HS6ST3: variants seen among roughly 807,000 people sequenced by gnomAD.
The protein encoded by HS6ST3 is heparan-sulfate 6-O-sulfotransferase 3.
HS6ST3 carries 12 observed loss-of-function variants against 36.7 expected under a neutral mutation model. The observed-to-expected ratio is 0.33, with a 90% CI of 0.21 to 0.53. The LOEUF is 0.53. Ranked by LOEUF, HS6ST3 falls within the 20% of genes least tolerant of loss-of-function variation. The pLI, the probability that HS6ST3 is intolerant of heterozygous loss-of-function variation, is 0.95. For missense variants in HS6ST3, 584 were observed against 640.9 expected, an observed-to-expected ratio of 0.91 and a Z score of 0.96; for synonymous variants, 240 against 257.5, an observed-to-expected ratio of 0.93 and a Z score of 0.65.
intron 1 of HS6ST3, among the ~76,000 whole-genome samples, chr13:96,137,133 C>A (rs1330341558): frequency 6.6e-6 from 1 of 151,790 alleles, no homozygotes; most frequent in South Asian, 2.1e-4. Context: ...CTTTCATGCC[C>A]CCTTTTAATT....
At chr13:96,412,947 A>G (rs922857367) in intron 1 of HS6ST3, among the ~76,000 whole-genome samples, 3 of 151,974 alleles carry the variant, frequency 2.0e-5, no homozygotes, top group African/African-American at 7.2e-5. Context: ...GAAAGAATGC[A>G]ATATAAAGGG....
Position 96,832,916 on chromosome 13 carries a change from G to A in HS6ST3, c.1134G>A (p.Gln378=), listed in dbSNP as rs139344619. 2.2e-3 allele frequency: 3,586 copies of A among 1,614,186 alleles called. 6 individuals are homozygous for A. Among genetic ancestry groups the A allele is most frequent in the Non-Finnish European group, 2.8e-3 (3,332 of 1,180,032 alleles). Residue 378 remains glutamine, a synonymous_variant, in exon 2 of 2, where the codon CAG becomes CAA. Coordinates refer to ENST00000376705, the MANE Select transcript of HS6ST3 (RefSeq NM_153456.4). ...FNLKFISPFT[Q]FNITRASNVE... ...TCAAGTTCATCTCCCCCTTCACACA[G>A]TTCAACATCACGCGGGCTTCTAACG...
intron 1 of HS6ST3, among the ~76,000 whole-genome samples, chr13:96,156,098 A>G (rs1166388361): frequency 1.3e-5 from 2 of 152,194 alleles, no homozygotes; most frequent in African/African-American, 4.8e-5. Context: ...GAGTTTTACT[A>G]TGTAGTTGGG....
intron 1 of HS6ST3, among the ~76,000 whole-genome samples, chr13:96,370,271 T>G (rs968837124): frequency 1.3e-5 from 2 of 152,318 alleles, no homozygotes; most frequent in African/African-American, 4.8e-5. Flanking sequence ...TTTCTGTAGC[T>G]AAAGTTATTT....
chr13:96,105,246 T>C (rs2053836366), intron 1 of HS6ST3, among the ~76,000 whole-genome samples: 1 of 151,932 alleles, frequency 6.6e-6, no homozygotes, highest in Non-Finnish European at 1.5e-5. Context: ...CCAAGTCACA[T>C]GGTTCTAAGC....
At chr13:96,525,582 C>G (rs1199253787) in intron 1 of HS6ST3, among the ~76,000 whole-genome samples, 1 of 152,188 alleles carries the variant, frequency 6.6e-6, no homozygotes, top group Non-Finnish European at 1.5e-5. Flanking sequence ...ACACACCACT[C>G]AAATTCAGGT....
chr13:96,261,159 C>T (rs1458803206), intron 1 of HS6ST3, among the ~76,000 whole-genome samples: 3 of 151,574 alleles, frequency 2.0e-5, no homozygotes, highest in African/African-American at 7.3e-5. Flanking sequence ...TATTTAGTTT[C>T]ACAGAAATTC....
chr13:96,572,856 C>T (rs917912447), intron 1 of HS6ST3, among the ~76,000 whole-genome samples: 23 of 152,188 alleles, frequency 1.5e-4, no homozygotes, highest in African/African-American at 5.5e-4. Context: ...TCCCAGTGAA[C>T]TATACCTTAT....
At chr13:96,597,624 A>G (rs1427709234) in intron 1 of HS6ST3, among the ~76,000 whole-genome samples, 2 of 151,898 alleles carry the variant, frequency 1.3e-5, no homozygotes, top group Non-Finnish European at 2.9e-5. Flanking sequence ...ATTTTCTCCC[A>G]TCCCATAGGG....
chr13:96,698,144 A>G (rs999072981), intron 1 of HS6ST3, among the ~76,000 whole-genome samples: 1 of 152,108 alleles, frequency 6.6e-6, no homozygotes, highest in Non-Finnish European at 1.5e-5. Context: ...TGCTGCACCC[A>G]TTAACTCATT....
intron 1 of HS6ST3, among the ~76,000 whole-genome samples, chr13:96,821,825 A>G (rs1376906598): frequency 1.3e-5 from 2 of 152,226 alleles, no homozygotes; most frequent in Admixed American, 1.3e-4. Flanking sequence ...TATCCTTCAT[A>G]TAACAGAATG....
At chr13:96,524,133 G>T (rs903746844) in intron 1 of HS6ST3, among the ~76,000 whole-genome samples, 1 of 152,134 alleles carries the variant, frequency 6.6e-6, no homozygotes, top group Non-Finnish European at 1.5e-5. Flanking sequence ...AGGTCTGTTG[G>T]AGTTTGCCAG....
At chr13:96,656,348 G>C (rs1343351698) in intron 1 of HS6ST3, among the ~76,000 whole-genome samples, 1 of 152,094 alleles carries the variant, frequency 6.6e-6, no homozygotes, top group Admixed American at 6.6e-5. Flanking sequence ...CAAGATTCCA[G>C]TTATGTCACA....
In HS6ST3 at chr13:96,097,878, A is replaced by G. The variant is rs2053798954; in HGVS notation, c.707+6309A>G. Among the ~76,000 whole-genome samples, 3 of 152,236 alleles carry G rather than the reference A, an allele frequency of 2.0e-5. No homozygotes were observed. In the South Asian group the frequency reaches 6.2e-4, roughly 31 times the overall value. On this transcript the variant is annotated intron_variant, in intron 1 of 1. Coordinates refer to ENST00000376705, the MANE Select transcript of HS6ST3 (RefSeq NM_153456.4). Reference sequence around the variant, plus strand: ...CTGAATAAATGTCGGCTTTTAGATTACCTTGAAAACATAGCAGCATAACTT... The same window carrying G: ...CTGAATAAATGTCGGCTTTTAGATTGCCTTGAAAACATAGCAGCATAACTT...
chr13:96,600,361 T>C (rs1577607), intron 1 of HS6ST3, among the ~76,000 whole-genome samples: 1,244 of 102,642 alleles, frequency 0.012, 6 homozygotes, highest in East Asian at 0.025. Context: ...CACACACACA[T>C]ATATATATAT....
intron 1 of HS6ST3, among the ~76,000 whole-genome samples, chr13:96,533,030 T>G (rs1040291894): frequency 1.3e-5 from 2 of 152,184 alleles, no homozygotes; most frequent in African/African-American, 4.8e-5. Flanking sequence ...GGCAGGAGGT[T>G]AAAAGCTCTA....
chr13:96,249,773 A>G (rs1416097889), intron 1 of HS6ST3, among the ~76,000 whole-genome samples: 1 of 152,196 alleles, frequency 6.6e-6, no homozygotes. Flanking sequence ...TTAAAAAGGA[A>G]TGAAATTCTG....
At chr13:96,331,242 G>A (rs1358465475) in intron 1 of HS6ST3, among the ~76,000 whole-genome samples, 2 of 151,914 alleles carry the variant, frequency 1.3e-5, no homozygotes, top group African/African-American at 4.8e-5. Context: ...TTCCTTTGGA[G>A]GAGGAGAGGT....
intron 1 of HS6ST3, among the ~76,000 whole-genome samples, chr13:96,535,251 T>A (rs2056150748): frequency 6.6e-6 from 1 of 151,810 alleles, no homozygotes. Context: ...TAGGTATGCG[T>A]GGAGTTAAAA....
Sources: allele counts gnomAD v4.1 joint callset (sites outside exome capture counted in the v4.1 genomes callset), GRCh38; gene constraint gnomAD v4.1.1; transcripts MANE v1.5; gene names NCBI Gene and HGNC (gene_info 2026-07-23, HGNC 2026-07-21).